The following RAD51C variants were observed in gnomAD, a reference collection of about 807,000 sequenced individuals.
RAD51C encodes DNA repair protein RAD51 homolog 3.
A neutral mutation model predicts 45.0 loss-of-function variants in RAD51C; 42 were observed. The observed-to-expected ratio is 0.93, with a 90% CI of 0.73 to 1.21. The LOEUF is 1.21. Ranked by LOEUF, RAD51C falls within the 50% of genes most tolerant of loss-of-function variation. RAD51C has a pLI of 0.00. For missense variants in RAD51C, 474 were observed against 452.2 expected (o/e 1.05, Z -0.44); for synonymous variants, 172 against 159.8 (o/e 1.08, Z -0.58).
At chr17:58,712,399 A>G (rs2048589268) in intron 5 of RAD51C, among the ~76,000 whole-genome samples, 1 of 137,052 alleles carries the variant, frequency 7.3e-6, no homozygotes, top group Admixed American at 7.3e-5. Flanking sequence ...TTTGTAAAAG[A>G]AAAAAAAAGT....
At chr17:58,696,548 A>G (rs1254453603) in intron 2 of RAD51C, 145 bp from the exon 3 acceptor site, 1 of 916,558 alleles carries the variant, frequency 1.1e-6, no homozygotes, top group Non-Finnish European at 1.7e-6. Flanking sequence ...TGGAGTCATG[A>G]AGAGTTAGAC....
chr17:58,698,178 ATTT>A (rs34731311), intron 3 of RAD51C, among the ~76,000 whole-genome samples: 40 of 116,124 alleles, frequency 3.4e-4, no homozygotes, highest in African/African-American at 8.7e-4. Flanking sequence ...TGCCCAGCTA[ATTT>A]TTTTTTTTTT....
chr17:58,712,469 G>T (rs1161869698), intron 5 of RAD51C, among the ~76,000 whole-genome samples: 1 of 151,528 alleles, frequency 6.6e-6, no homozygotes, highest in Non-Finnish European at 1.5e-5. Context: ...TGTAAATATT[G>T]TTGTCTGGTG....
chr17:58,713,225 T>C (rs999594531), intron 5 of RAD51C, among the ~76,000 whole-genome samples: 6 of 152,220 alleles, frequency 3.9e-5, no homozygotes, highest in Non-Finnish European at 5.9e-5. Context: ...CATCTTTCCA[T>C]GTATACTACT....
At chr17:58,720,877 C>T in intron 6 of RAD51C, 65 bp downstream of exon 6, 1 of 1,321,988 alleles carries the variant, frequency 7.6e-7, no homozygotes, top group Non-Finnish European at 1.1e-6. Flanking sequence ...TCATTTGATT[C>T]TCATTGAGTA....
At chr17:58,729,568 T>G (rs529105761) in intron 7 of RAD51C, among the ~76,000 whole-genome samples, 590 of 149,852 alleles carry the variant, frequency 3.9e-3, no homozygotes, top group Non-Finnish European at 6.4e-3. Context: ...TAGGATTCTT[T>G]TTTTGTTTTG....
chr17:58,715,425 G>T (rs1489607211), intron 5 of RAD51C, among the ~76,000 whole-genome samples: 1 of 136,896 alleles, frequency 7.3e-6, no homozygotes, highest in African/African-American at 2.8e-5. Flanking sequence ...TTGCACTCCA[G>T]CCTGGGCAAC....
At chr17:58,705,092 C>T (rs1041427219) in intron 4 of RAD51C, among the ~76,000 whole-genome samples, 3 of 142,286 alleles carry the variant, frequency 2.1e-5, no homozygotes, top group African/African-American at 8.0e-5. Context: ...GATCGTGACA[C>T]TGCACTCCAG....
At chr17:58,717,304 A>G (rs2048773691) in intron 5 of RAD51C, among the ~76,000 whole-genome samples, 1 of 152,120 alleles carries the variant, frequency 6.6e-6, no homozygotes, top group Non-Finnish European at 1.5e-5. Flanking sequence ...TTGTGCTTGA[A>G]CTATAGTTCT....
At chr17:58,726,587 G>GATGTATATATGTATATACGTGT (rs965070898) in intron 7 of RAD51C, among the ~76,000 whole-genome samples, 5 of 119,964 alleles carry the variant, frequency 4.2e-5, no homozygotes, top group Non-Finnish European at 7.9e-5. Flanking sequence ...TATACATATA[G>GATGTATATATGTATATACGTGT]ATGTATATAT....
Position 58,734,487 on chromosome 17 carries a change from C to A in RAD51C, c.*265C>A. The stretch of plus-strand genomic sequence containing the variant: ...TATTTCACAAATGTGGAAAGCTGAT[C>A]TCATGTGGCCAGTCTGAATTTACCA... On this transcript the variant is annotated 3_prime_UTR_variant, in exon 9 of 9. Coordinates refer to ENST00000337432, the MANE Select transcript of RAD51C (RefSeq NM_058216.3). 1.9e-6 allele frequency: 1 copy of A among 532,548 alleles called. No individual in the cohort carries two copies. Among genetic ancestry groups the A allele is most frequent in the South Asian group, 2.3e-5 (1 of 44,166 alleles). 33.0% of individuals were successfully genotyped at this position (532,548 alleles called of 1,614,324 possible). A position where few individuals can be genotyped will look rare whatever the true frequency, so the allele number is the denominator to read the frequency against.
In RAD51C at chr17:58,735,117, A is replaced by G. The variant is rs1422279791; in HGVS notation, c.*895A>G. 6.6e-6 allele frequency: 1 copy of G among 152,162 alleles called. No individual in the cohort carries two copies. Among genetic ancestry groups the G allele is most frequent in the Non-Finnish European group, 1.5e-5 (1 of 68,028 alleles). The allele number at this position is 152,162 out of a possible 1,614,324, so 9.4% of individuals were successfully genotyped here. ...TATAATGTTAAAGGGAGGACTTTGG[A>G]GCTGTTATCTCATCTAGAGATTGTT... On this transcript the variant is annotated 3_prime_UTR_variant, in exon 9 of 9. Transcript: ENST00000337432.
At chr17:58,711,734 A>G (rs1032766495) in intron 5 of RAD51C, among the ~76,000 whole-genome samples, 1 of 152,024 alleles carries the variant, frequency 6.6e-6, no homozygotes, top group Non-Finnish European at 1.5e-5. Context: ...AGCCTCCTAA[A>G]GTACTAGGAT....
At chr17:58,710,491 G>A (rs1443263626) in intron 5 of RAD51C, among the ~76,000 whole-genome samples, 5 of 139,512 alleles carry the variant, frequency 3.6e-5, no homozygotes, top group Non-Finnish European at 7.6e-5. Flanking sequence ...GCAAGACTCC[G>A]TCTCAAGGCA....
chr17:58,730,297 T>A (rs2049365732), intron 7 of RAD51C, among the ~76,000 whole-genome samples: 1 of 151,588 alleles, frequency 6.6e-6, no homozygotes. Flanking sequence ...CCTCAGTAGC[T>A]GGGATTACAG....
rs1555599220 is a variant in RAD51C, at chr17:58,709,947, T to C, written c.794T>C (p.Leu265Pro). 6.2e-7 allele frequency: 1 copy of C among 1,613,292 alleles called. No individual in the cohort carries two copies. The part of the protein sequence containing the change: ...LSLRTRLLNG[L>P]AQQMISLANN... ...CTTCGTACTCGGTTATTAAATGGCC[T>C]AGCCCAGCAAATGATCAGCCTTGCA... is the stretch of plus-strand genomic sequence containing the variant. The change falls in exon 5 of 9, where the codon CTA becomes CCA. Residue 265 changes from leucine (L) to proline (P), a missense_variant. Physicochemically the swap from Leu to Pro is moderately conservative, Grantham distance 98. Coordinates refer to ENST00000337432, the MANE Select transcript of RAD51C (RefSeq NM_058216.3).
intron 4 of RAD51C, among the ~76,000 whole-genome samples, chr17:58,704,898 TTTAA>T (rs1241010604): frequency 2.0e-5 from 3 of 151,894 alleles, no homozygotes; most frequent in African/African-American, 4.8e-5. Context: ...TTTTATTTAT[TTTAA>T]TTAATTAATT....
At position 58,729,866 on chromosome 17, in the gene RAD51C, C is replaced by T. The variant is rs200255116; in HGVS notation, c.966-2618C>T. 3.9e-5 allele frequency among the ~76,000 whole-genome samples: 6 copies of T among 152,208 alleles called. No individual in the cohort carries two copies. In the East Asian group the frequency reaches 9.7e-4, roughly 25 times the overall value. ...GATTATAGACATGAGCCACTGTGCC[C>T]GGCCGACTTTAGGATTCTTAACAAG... On this transcript the variant is annotated intron_variant, in intron 7 of 8. Transcript: ENST00000337432.
intron 7 of RAD51C, among the ~76,000 whole-genome samples, chr17:58,729,963 T>C (rs1456439817): frequency 6.6e-6 from 1 of 152,146 alleles, no homozygotes; most frequent in Non-Finnish European, 1.5e-5. Flanking sequence ...GGCACCTTTT[T>C]TGGACATACT....
Sources: gnomAD v4.1 joint callset for allele counts (sites outside exome capture counted in the v4.1 genomes callset) on GRCh38, gnomAD v4.1.1 for gene constraint, MANE v1.5 for transcripts, NCBI Gene and HGNC (gene_info 2026-07-23, HGNC 2026-07-21) for gene names.